PRXL2A: variants seen among roughly 807,000 people sequenced by gnomAD.
The protein encoded by PRXL2A is peroxiredoxin-like 2A.
PRXL2A carries 26 observed loss-of-function variants against 25.6 expected under a neutral mutation model. The ratio of observed to expected loss-of-function variants is 1.02; its 90% confidence interval spans 0.74 to 1.41. The LOEUF (loss-of-function observed/expected upper bound fraction) is 1.41, where lower values mean the gene tolerates loss of function less well. Among genes scored for constraint, PRXL2A ranks in the 40% most tolerant of loss-of-function variants. The pLI is 0.00. For missense variants in PRXL2A, 246 were observed against 273.9 expected (o/e 0.90, Z 0.72); for synonymous variants, 98 against 102.9 (o/e 0.95, Z 0.29).
At chr10:80,415,956 G>T (rs1383438879) in intron 1 of PRXL2A, among the ~76,000 whole-genome samples, 1 of 152,182 alleles carries the variant, frequency 6.6e-6, no homozygotes, top group Non-Finnish European at 1.5e-5. Flanking sequence ...ACTGGTCTTT[G>T]TATACTGACG....
At chr10:80,410,862 T>TG (rs1181816404) in intron 1 of PRXL2A, among the ~76,000 whole-genome samples, 4 of 151,614 alleles carry the variant, frequency 2.6e-5, no homozygotes, top group Non-Finnish European at 4.4e-5. Flanking sequence ...CTTTGAGGGG[T>TG]GGGGGGCCCT....
At chr10:80,417,710 C>A (rs1276184997) in intron 1 of PRXL2A, among the ~76,000 whole-genome samples, 1 of 151,794 alleles carries the variant, frequency 6.6e-6, no homozygotes, top group African/African-American at 2.4e-5. Context: ...TGTTTGGTTA[C>A]CCCCGTTACC....
chr10:80,412,251 C>T (rs1265474098), intron 1 of PRXL2A, among the ~76,000 whole-genome samples: 1 of 152,102 alleles, frequency 6.6e-6, no homozygotes, highest in Non-Finnish European at 1.5e-5. Context: ...GTCAGATTGC[C>T]CTGCTAGTGA....
intron 5 of PRXL2A, among the ~76,000 whole-genome samples, chr10:80,430,506 C>T (rs571549939): frequency 2.1e-4 from 32 of 152,158 alleles, no homozygotes; most frequent in Non-Finnish European, 3.7e-4. Flanking sequence ...GTTTAGCCGG[C>T]GTGGTGACAT....
At chr10:80,431,873 C>A (rs779727050) in intron 5 of PRXL2A, 113 bp from the exon 6 acceptor site, 50 of 754,686 alleles carry the variant, frequency 6.6e-5, no homozygotes, top group Admixed American at 2.7e-4. Context: ...ATATTTGGAT[C>A]TGTGTCCTTT....
At chr10:80,410,862 TG>T (rs1181816404) in intron 1 of PRXL2A, among the ~76,000 whole-genome samples, 3 of 151,614 alleles carry the variant, frequency 2.0e-5, no homozygotes, top group African/African-American at 7.3e-5. Flanking sequence ...CTTTGAGGGG[TG>T]GGGGGCCCTA....
intron 1 of PRXL2A, among the ~76,000 whole-genome samples, chr10:80,410,104 A>G (rs1239392892): frequency 6.6e-6 from 1 of 152,260 alleles, no homozygotes; most frequent in Non-Finnish European, 1.5e-5. Flanking sequence ...CTGGAACTCT[A>G]GGGCTCAAGC....
chr10:80,417,026 G>A (rs1009273970), intron 1 of PRXL2A, among the ~76,000 whole-genome samples: 2 of 152,162 alleles, frequency 1.3e-5, no homozygotes, highest in African/African-American at 2.4e-5. Flanking sequence ...GACGGCTAAC[G>A]CTCAAAATTC....
intron 1 of PRXL2A, among the ~76,000 whole-genome samples, chr10:80,417,651 C>A (rs1844708606): frequency 6.6e-6 from 1 of 152,094 alleles, no homozygotes; most frequent in South Asian, 2.1e-4. Flanking sequence ...TCTTTTTCCG[C>A]TTCCCAAGTA....
intron 3 of PRXL2A, among the ~76,000 whole-genome samples, chr10:80,423,753 CG>C (rs1214514805): frequency 1.4e-5 from 2 of 147,418 alleles, no homozygotes; most frequent in Non-Finnish European, 2.9e-5. Flanking sequence ...CCACCCGGAT[CG>C]GGGAGATGTA....
At chr10:80,414,234 G>A (rs1844572807) in intron 1 of PRXL2A, among the ~76,000 whole-genome samples, 1 of 152,188 alleles carries the variant, frequency 6.6e-6, no homozygotes, top group Non-Finnish European at 1.5e-5. Context: ...GTTTGTTTGT[G>A]GCTTTATCCT....
At chr10:80,425,818 C>T (rs781737207) in intron 3 of PRXL2A, 48 bp from the exon 4 acceptor site, 36 of 1,610,872 alleles carry the variant, frequency 2.2e-5, no homozygotes, top group Non-Finnish European at 3.1e-5. Flanking sequence ...ATGTGGAGGC[C>T]CACAGCCAGC....
chr10:80,423,326 G>T (rs1013369257), intron 3 of PRXL2A, among the ~76,000 whole-genome samples: 2 of 152,186 alleles, frequency 1.3e-5, no homozygotes, highest in Non-Finnish European at 2.9e-5. Context: ...AGTGGTTAGT[G>T]GTCTGTTTGT....
intron 1 of PRXL2A, among the ~76,000 whole-genome samples, chr10:80,418,865 C>G (rs1433432498): frequency 1.3e-5 from 2 of 152,220 alleles, no homozygotes; most frequent in East Asian, 3.8e-4. Flanking sequence ...AAGCCAGGAA[C>G]AAGGCTGAAT....
At chr10:80,409,066 C>G in intron 1 of PRXL2A, 1 of 985,430 alleles carries the variant, frequency 1.0e-6, no homozygotes, top group Non-Finnish European at 1.2e-6. Context: ...GGACCAGCCC[C>G]AGGTGCGGAC....
At chr10:80,416,614 C>T (rs1037080498) in intron 1 of PRXL2A, among the ~76,000 whole-genome samples, 3 of 152,070 alleles carry the variant, frequency 2.0e-5, no homozygotes, top group East Asian at 1.9e-4. Context: ...GATGTGTGCA[C>T]GTCTGTAATG....
intron 1 of PRXL2A, among the ~76,000 whole-genome samples, chr10:80,409,511 A>C (rs997100856): frequency 3.9e-5 from 6 of 152,174 alleles, no homozygotes; most frequent in African/African-American, 1.4e-4. Flanking sequence ...GTTTTATTTT[A>C]ATGTATTTTC....
At chr10:80,420,379 C>T (rs890200470) in intron 1 of PRXL2A, 87 bp from the exon 2 acceptor site, 3 of 1,501,214 alleles carry the variant, frequency 2.0e-6, no homozygotes, top group Admixed American at 4.4e-5. Context: ...TCCTGGTTGG[C>T]TGTCCTGCCA....
At chr10:80,413,230 C>T (rs1337545959) in intron 1 of PRXL2A, among the ~76,000 whole-genome samples, 1 of 142,990 alleles carries the variant, frequency 7.0e-6, no homozygotes, top group Non-Finnish European at 1.5e-5. Context: ...ACCTACAAAA[C>T]CCCCAAGTGG....
Sources: allele counts gnomAD v4.1 joint callset (sites outside exome capture counted in the v4.1 genomes callset), GRCh38; gene constraint gnomAD v4.1.1; transcripts MANE v1.5; gene names NCBI Gene and HGNC (gene_info 2026-07-23, HGNC 2026-07-21).